Variants in KDM5D observed in about 807,000 individuals in gnomAD.
KDM5D encodes the protein lysine-specific demethylase 5D.
KDM5D carries 25 observed loss-of-function variants against 31.9 expected under a neutral mutation model. The ratio of observed to expected loss-of-function variants is 0.78; its 90% CI spans 0.57 to 1.09. The LOEUF is 1.09. Among genes scored for constraint, KDM5D ranks in the 50% least tolerant of loss-of-function variants. KDM5D has a pLI of 0.00. For synonymous variants in KDM5D, 146 were observed against 122.3 expected (o/e 1.19, Z -1.28); for missense variants, 366 against 341.6 (o/e 1.07, Z -0.56).
intron 19 of KDM5D, chrY:19,710,132 A>G: frequency 2.8e-6 from 1 of 362,977 alleles, no homozygotes; most frequent in Non-Finnish European, 3.8e-6. Flanking sequence ...CCCATTCCCA[A>G]GAGCCAGTGT....
At chrY:19,712,203 ATTCC>A (rs2045302649) in intron 18 of KDM5D, among the ~76,000 whole-genome samples, 1 of 33,284 alleles carries the variant, frequency 3.0e-5, no homozygotes, top group Non-Finnish European at 7.4e-5. Flanking sequence ...TTTATCTAAA[ATTCC>A]TTCCTACTAA....
chrY:19,705,785 G>C lies in KDM5D; in HGVS notation c.*210C>G. ...AGGAAATCACTCCTGTATGCTAGCAGGAATGTTGCTGGCAAGACACTTCTG... is the reference window on the plus strand; with the variant it reads ...AGGAAATCACTCCTGTATGCTAGCACGAATGTTGCTGGCAAGACACTTCTG... On this transcript the variant is annotated 3_prime_UTR_variant, in exon 27 of 27. Coordinates refer to ENST00000317961, the MANE Select transcript of KDM5D (RefSeq NM_004653.5). The C allele has an allele frequency of 7.2e-6, 1 of 138,219 alleles. No homozygotes were observed. Among genetic ancestry groups the C allele is most frequent in the Non-Finnish European group, 1.4e-5 (1 of 73,085 alleles). 34.5% of individuals were successfully genotyped at this position (138,219 alleles called of 400,897 possible).
At chrY:19,729,765 T>C (rs2045459134) in intron 11 of KDM5D, among the ~76,000 whole-genome samples, 1 of 33,559 alleles carries the variant, frequency 3.0e-5, no homozygotes, top group Non-Finnish European at 7.4e-5. Flanking sequence ...AATAAGCTAA[T>C]GGAAAGTGTT....
At position 19,710,399 on chromosome Y, in the gene KDM5D, T is replaced by A. The variant is rs766830155; in HGVS notation, c.2560A>T (p.Met854Leu). The A allele has an allele frequency of 2.6e-6, 1 of 389,984 alleles. No homozygotes were observed. ...ACCTTGACATCCCCAATCTGATGCA[T>A]GGCACAGGGCAGGCTGCCCATCTGC... The part of the protein sequence containing the change: ...LEQMGSLPCA[M>L]HQIGDVKDVL... Residue 854 changes from methionine to leucine, a missense_variant, in exon 19 of 27, where the codon ATG (methionine) becomes TTG (leucine). Met to Leu is a conservative substitution (Grantham distance 15). Transcript: ENST00000317961.
At position 19,707,643 on chromosome Y, in the gene KDM5D, G is replaced by T; in HGVS notation, c.3503C>A (p.Ala1168Asp). Residue 1168 changes from alanine to aspartate, a missense_variant, in exon 24 of 27, where the codon GCC (alanine) becomes GAC (aspartate). By Grantham distance (126) the Ala-to-Asp change is moderately radical (BLOSUM62 -2). Coordinates refer to ENST00000317961, the MANE Select transcript of KDM5D (RefSeq NM_004653.5). The stretch of plus-strand genomic sequence containing the variant: ...CACACAGATAGAAGTCGGAGAAGAG[G>T]CCATGAGGGATGGTGCCAGTGGACT... ...KPSPLAPSLMASSPTSICVCG... is the reference protein window; with the variant it reads ...KPSPLAPSLMDSSPTSICVCG... The T allele has an allele frequency of 2.5e-6, 1 of 397,568 alleles. No individual in the cohort carries two copies. Among genetic ancestry groups the T allele is most frequent in the Non-Finnish European group, 3.5e-6 (1 of 282,895 alleles).
chrY:19,723,068 A>G, intron 11 of KDM5D, among the ~76,000 whole-genome samples: 1 of 33,485 alleles, frequency 3.0e-5, no homozygotes, highest in Non-Finnish European at 7.4e-5. Context: ...TTTGAACTAT[A>G]ATATGAAGCG....
In KDM5D at chrY:19,716,490, G is replaced by T; in HGVS notation, c.1837-17C>A. The stretch of plus-strand genomic sequence containing the variant: ...AGCAGGTAGCTGCAAGTGCGTTCAA[G>T]ATTGTGTGTGGCTATCTGGAGACCA... On this transcript the variant is annotated splice_polypyrimidine_tract_variant and intron_variant, in intron 14 of 26. Transcript: ENST00000317961. 1 of 396,197 alleles carries T rather than the reference G, an allele frequency of 2.5e-6. No individual in the cohort carries two copies. The highest frequency in any genetic ancestry group is 3.6e-6 in the Non-Finnish European group (1 of 280,893).
At chrY:19,735,077 T>C (rs2045497937) in intron 8 of KDM5D, among the ~76,000 whole-genome samples, 1 of 33,027 alleles carries the variant, frequency 3.0e-5, no homozygotes, top group Non-Finnish European at 7.4e-5. Flanking sequence ...ATCTCCTATA[T>C]TAAGCTGTAA....
At chrY:19,719,806 G>A (rs2045379891) in intron 13 of KDM5D, among the ~76,000 whole-genome samples, 3 of 32,992 alleles carry the variant, frequency 9.1e-5, no homozygotes, top group African/African-American at 2.4e-4. Context: ...ATGATTCTTC[G>A]CATATAATGG....
At chrY:19,716,769 T>A in intron 13 of KDM5D, 54 bp from the exon 14 acceptor site, 1 of 365,140 alleles carries the variant, frequency 2.7e-6, no homozygotes, top group Non-Finnish European at 3.9e-6. Context: ...ATGGGCCAGA[T>A]GTGAACTCAA....
At chrY:19,715,770 T>C in intron 16 of KDM5D, 31 bp from the exon 17 acceptor site, 1 of 398,304 alleles carries the variant, frequency 2.5e-6, no homozygotes, top group South Asian at 3.0e-5. Context: ...AGGGTACACA[T>C]CTGGCCCAGC....
chrY:19,741,311 C>T lies in KDM5D; in HGVS notation c.522+7G>A. 7.6e-6 allele frequency: 3 copies of T among 392,205 alleles called. No individual in the cohort carries two copies. Among genetic ancestry groups the T allele is most frequent in the African/African-American group, 6.2e-5 (1 of 16,143 alleles). ...ATCAGGCCACAAACCAGTTTAAGGG[C>T]CCTCACCACATGGTTGGCTCCAGAC... On this transcript the variant is annotated splice_region_variant and intron_variant, in intron 5 of 26. Coordinates refer to ENST00000317961, the MANE Select transcript of KDM5D (RefSeq NM_004653.5).
chrY:19,707,726 C>T lies in KDM5D; in HGVS notation c.3420G>A (p.Gly1140=). Residue 1140 remains glycine, a synonymous_variant, in exon 24 of 27, where the codon GGG becomes GGA. Coordinates refer to ENST00000317961, the MANE Select transcript of KDM5D (RefSeq NM_004653.5). ...GGATACCCTCCTTCTCCTTCTGTTC[C>T]CCTTCCTTGAAGGCCACAATCTGCC... ...PGSVIVAFKE[G]EQKEKEGILQ... The T allele has an allele frequency of 1.0e-5, 4 of 394,827 alleles. No individual in the cohort carries two copies.
At position 19,735,387 on chromosome Y, in the gene KDM5D, T is replaced by C; in HGVS notation, c.898A>G (p.Met300Val). Residue 300 changes from methionine (M) to valine (V), a missense_variant, in exon 8 of 27, where the codon ATG (methionine) becomes GTG (valine). Transcript: ENST00000317961. ...CTGCTGTGATTCTTTCGAAGTTGCA[T>C]GGTTGTCTTAGTGCAGGGCTCTAGG... ...LSLEPCTKTT[M>V]QLRKNHSSAQ... 2.5e-6 allele frequency: 1 copy of C among 398,127 alleles called. No homozygotes were observed. The highest frequency in any genetic ancestry group is 3.0e-5 in the South Asian group (1 of 33,757).
Position 19,715,863 on chromosome Y carries a change from T to G in KDM5D, c.2173A>C (p.Asn725His). ...PDGLVCLSHI[N>H]DLCKCSSSRQ... is the part of the protein sequence containing the mutation. ...CTACTAGAGCACTTGCAGAGGTCAT[T>G]GATGTGGGAAAGGCATACAAGGCCA... Residue 725 changes from asparagine to histidine, a missense_variant, in exon 16 of 27, where the codon AAT becomes CAT. Coordinates refer to ENST00000317961, the MANE Select transcript of KDM5D (RefSeq NM_004653.5). 5.0e-6 allele frequency: 2 copies of G among 398,691 alleles called. No homozygotes were observed. Among genetic ancestry groups the G allele is most frequent in the Non-Finnish European group, 7.1e-6 (2 of 283,499 alleles).
chrY:19,735,869 T>G, intron 6 of KDM5D, 119 bp from the exon 7 acceptor site: 1 of 157,716 alleles, frequency 6.3e-6, no homozygotes, highest in Non-Finnish European at 1.2e-5. Flanking sequence ...TTTATCCATT[T>G]TTGAATGTTT....
intron 8 of KDM5D, among the ~76,000 whole-genome samples, chrY:19,734,794 A>C: frequency 6.0e-5 from 2 of 33,122 alleles, no homozygotes; most frequent in Non-Finnish European, 1.5e-4. Context: ...TTATCAAAAC[A>C]GGGTGAGATT....
intron 6 of KDM5D, 21 bp downstream of exon 6, chrY:19,739,507 A>T (rs1285058055): frequency 2.6e-6 from 1 of 390,283 alleles, no homozygotes; most frequent in Non-Finnish European, 3.6e-6. Flanking sequence ...AGGAAGAATA[A>T]CAGGAGTAAC....
chrY:19,730,652 T>C (rs2045465752), intron 11 of KDM5D, among the ~76,000 whole-genome samples: 1 of 32,147 alleles, frequency 3.1e-5, no homozygotes, highest in African/African-American at 1.2e-4. Context: ...TACACATCTC[T>C]TAACAAAAGA....
Sources: gnomAD v4.1 joint callset for allele counts (sites outside exome capture counted in the v4.1 genomes callset) on GRCh38, gnomAD v4.1.1 for gene constraint, MANE v1.5 for transcripts, NCBI Gene and HGNC (gene_info 2026-07-23, HGNC 2026-07-21) for gene names.